The following SCN11A variants were observed in gnomAD, a reference collection of about 807,000 sequenced individuals.
The protein encoded by SCN11A is sodium channel protein type 11 subunit alpha.
SCN11A carries 122 observed loss-of-function variants against 162.2 expected under a neutral mutation model. The ratio of observed to expected loss-of-function variants is 0.75; its 90% CI spans 0.65 to 0.87. SCN11A has a LOEUF of 0.87. Ranked by LOEUF, SCN11A falls within the 40% of genes least tolerant of loss-of-function variation. SCN11A has a pLI of 0.00. For missense variants in SCN11A, 2,015 were observed against 2,181.6 expected (o/e 0.92, Z 1.52); for synonymous variants, 758 against 751.5 (o/e 1.01, Z -0.14).
At chr3:39,018,104 C>T in intron 2 of SCN11A, among the ~76,000 whole-genome samples, 1 of 152,238 alleles carries the variant, frequency 6.6e-6, no homozygotes, top group East Asian at 1.9e-4. Flanking sequence ...GACTCTTCCA[C>T]AGGGACTACC....
chr3:38,867,461 G>A lies in SCN11A; in HGVS notation c.3814-3C>T, dbSNP rs373458111. ...TCAAACTCTGGCTGTTGTTCTTTCT[G>A]TTAGAAATTTTTTTAATAAGAGAAA... On this transcript the variant is annotated splice_polypyrimidine_tract_variant and splice_region_variant and intron_variant, in intron 26 of 29. Transcript: ENST00000302328. 61 of 1,588,356 alleles carry A rather than the reference G, an allele frequency of 3.8e-5. No homozygotes were observed. In the African/African-American group the frequency reaches 7.8e-4, roughly 20 times the overall value.
At chr3:38,896,808 C>CCTT in intron 18 of SCN11A, 37 bp downstream of exon 18, 3 of 1,126,912 alleles carry the variant, frequency 2.7e-6, no homozygotes, top group Non-Finnish European at 3.5e-6. Flanking sequence ...CATGTAGGAT[C>CCTT]TTTTTTTTTT....
At chr3:38,903,834 T>C (rs1406111353) in intron 16 of SCN11A, 31 bp downstream of exon 16, 4 of 1,447,006 alleles carry the variant, frequency 2.8e-6, no homozygotes, top group Non-Finnish European at 3.8e-6. Context: ...GTATGAAATA[T>C]GTTTTTTATT....
chr3:38,888,075 C>T (rs945215107), intron 19 of SCN11A, among the ~76,000 whole-genome samples: 2 of 152,082 alleles, frequency 1.3e-5, no homozygotes, highest in African/African-American at 4.8e-5. Flanking sequence ...GGAAGGGAAC[C>T]AGAGCTATAT....
chr3:38,862,173 A>C (rs1335562469), intron 28 of SCN11A, among the ~76,000 whole-genome samples: 1 of 152,194 alleles, frequency 6.6e-6, no homozygotes, highest in East Asian at 1.9e-4. Flanking sequence ...AATACAAATT[A>C]AAACCACAAT....
At chr3:38,932,197 T>A (rs1393579460) in intron 7 of SCN11A, among the ~76,000 whole-genome samples, 1 of 152,178 alleles carries the variant, frequency 6.6e-6, no homozygotes, top group Non-Finnish European at 1.5e-5. Context: ...CCTATAAATA[T>A]TTTTATTATT....
At chr3:39,047,057 CACCCCCA>C (rs2032202160) in intron 1 of SCN11A, among the ~76,000 whole-genome samples, 1 of 100,676 alleles carries the variant, frequency 9.9e-6, no homozygotes, top group African/African-American at 5.2e-5. Context: ...CCCCCACCCC[CACCCCCA>C]CCCCCTTTTT....
chr3:38,846,771 G>A lies in SCN11A; in HGVS notation c.5299C>T (p.His1767Tyr). 1 of 1,614,100 alleles carries A rather than the reference G, an allele frequency of 6.2e-7. No individual in the cohort carries two copies. Among genetic ancestry groups the A allele is most frequent in the Non-Finnish European group, 8.5e-7 (1 of 1,180,012 alleles). ...GDQNDLENGP[H>Y]SPLQTLCNGD... is the part of the protein sequence containing the mutation. ...TTGCAAAGAGTCTGGAGTGGTGAAT[G>A]AGGCCCGTTTTCCAAGTCATTTTGG... Residue 1767 changes from histidine (H) to tyrosine (Y), a missense_variant, in exon 30 of 30, where the codon CAT becomes TAT. Transcript: ENST00000302328.
chr3:38,903,685 G>A (rs1303929219), intron 16 of SCN11A, among the ~76,000 whole-genome samples, 180 bp downstream of exon 16: 1 of 152,076 alleles, frequency 6.6e-6, no homozygotes, highest in East Asian at 1.9e-4. Flanking sequence ...AGGACACATG[G>A]ACAGTTTCTG....
chr3:38,857,626 C>T (rs1575212478), intron 28 of SCN11A, among the ~76,000 whole-genome samples: 2 of 151,926 alleles, frequency 1.3e-5, no homozygotes, highest in South Asian at 4.2e-4. Flanking sequence ...TCTAGACAAC[C>T]AAATAAGAAG....
chr3:38,884,134 C>T (rs893071792), intron 21 of SCN11A, among the ~76,000 whole-genome samples: 2 of 152,208 alleles, frequency 1.3e-5, no homozygotes, highest in Non-Finnish European at 2.9e-5. Context: ...TCCTCATCTT[C>T]TTAAACCACT....
intron 2 of SCN11A, among the ~76,000 whole-genome samples, chr3:38,971,159 GT>G (rs554242537): frequency 3.0e-4 from 44 of 146,138 alleles, no homozygotes; most frequent in Admixed American, 5.5e-4. Context: ...TCTTTTTCTT[GT>G]TTTTTTTTTT....
chr3:39,026,738 C>T (rs978298898), intron 2 of SCN11A, among the ~76,000 whole-genome samples: 1 of 152,146 alleles, frequency 6.6e-6, no homozygotes, highest in African/African-American at 2.4e-5. Context: ...TCTAAACTGA[C>T]TCAGCTTCTA....
At chr3:39,005,868 G>GT (rs971553638) in intron 2 of SCN11A, among the ~76,000 whole-genome samples, 19 of 151,336 alleles carry the variant, frequency 1.3e-4, no homozygotes, top group East Asian at 3.9e-4. Context: ...TTTGTTTTTT[G>GT]TTTTTTTTGT....
intron 2 of SCN11A, among the ~76,000 whole-genome samples, 162 bp from the exon 3 acceptor site, chr3:38,960,585 A>G (rs2066732422): frequency 6.6e-6 from 1 of 152,242 alleles, no homozygotes. Flanking sequence ...CTCTGCAGAA[A>G]GCATCATTAA....
intron 2 of SCN11A, among the ~76,000 whole-genome samples, chr3:38,996,723 G>C (rs556228395): frequency 2.0e-4 from 31 of 152,266 alleles, no homozygotes; most frequent in African/African-American, 7.5e-4. Context: ...ATATTGCGAA[G>C]ATGGCAACAA....
At chr3:38,938,795 C>T in intron 7 of SCN11A, among the ~76,000 whole-genome samples, 1 of 151,282 alleles carries the variant, frequency 6.6e-6, no homozygotes, top group East Asian at 2.0e-4. Context: ...AACTCCCGAC[C>T]TCAGGTTATC....
intron 1 of SCN11A, among the ~76,000 whole-genome samples, chr3:39,048,625 T>C (rs2032242214): frequency 6.6e-6 from 1 of 152,088 alleles, no homozygotes; most frequent in Admixed American, 6.5e-5. Flanking sequence ...AAAAAATACA[T>C]CCACAAATTT....
In SCN11A at chr3:38,883,367, A is replaced by G. The variant is rs373315455; in HGVS notation, c.3085T>C (p.Cys1029Arg). 39 of 1,613,218 alleles carry G rather than the reference A, an allele frequency of 2.4e-5. No individual in the cohort carries two copies. The highest frequency in any genetic ancestry group is 3.3e-5 in the Admixed American group (2 of 59,844). ...LPKGFGCCFP[C>R]CSVDKRKPPW... ...GGCTTTCTCTTGTCCACGCTACAGC[A>G]TGGAAAGCAGCAACCAAAGCCTGAA... The change falls in exon 22 of 30, where the codon TGC (cysteine) becomes CGC (arginine). Residue 1029 changes from cysteine (C) to arginine (R), a missense_variant. Physicochemically the swap from Cys to Arg is radical, Grantham distance 180. Coordinates refer to ENST00000302328, the MANE Select transcript of SCN11A (RefSeq NM_001349253.2).
Sources: allele counts gnomAD v4.1 joint callset (sites outside exome capture counted in the v4.1 genomes callset), GRCh38; gene constraint gnomAD v4.1.1; transcripts MANE v1.5; gene names NCBI Gene and HGNC (gene_info 2026-07-23, HGNC 2026-07-21).